The following ATXN7L1 variants were observed in gnomAD, a reference collection of about 807,000 sequenced individuals.
The protein encoded by ATXN7L1 is ataxin-7-like protein 1.
ATXN7L1 carries 15 observed loss-of-function variants against 70.8 expected under a neutral mutation model. The ratio of observed to expected loss-of-function variants is 0.21; its 90% CI spans 0.14 to 0.33. The LOEUF (loss-of-function observed/expected upper bound fraction) is 0.33, where lower values mean the gene tolerates loss of function less well. Among genes scored for constraint, ATXN7L1 ranks in the 10% least tolerant of loss-of-function variants. The pLI is 1.00. For synonymous variants in ATXN7L1, 440 were observed against 445.1 expected, an observed-to-expected ratio of 0.99 and a Z score of 0.14; for missense variants, 975 against 1,097.1, an observed-to-expected ratio of 0.89 and a Z score of 1.57.
chr7:105,659,901 G>A lies in ATXN7L1; in HGVS notation c.578+5165C>T, dbSNP rs78136838. On this transcript the variant is annotated intron_variant, in intron 4 of 11. Transcript: ENST00000419735. ...TTCTCTTTCTTTTTTTTTTTGAGAC[G>A]TGTAGATATTTCTTAGATACTTCAA... Among the ~76,000 whole-genome samples the A allele has an allele frequency of 6.0e-5, 9 of 150,630 alleles. No homozygotes were observed. The East Asian group carries it at 7.8e-4, about 13-fold the overall frequency.
chr7:105,733,266 T>A (rs1489799938), intron 3 of ATXN7L1, among the ~76,000 whole-genome samples: 1 of 152,248 alleles, frequency 6.6e-6, no homozygotes, highest in South Asian at 2.1e-4. Context: ...ATATGGTGAA[T>A]CATATGTGCT....
intron 2 of ATXN7L1, among the ~76,000 whole-genome samples, chr7:105,806,514 T>A (rs1277926923): frequency 6.6e-6 from 1 of 151,914 alleles, no homozygotes; most frequent in Non-Finnish European, 1.5e-5. Flanking sequence ...GCCTACTAAG[T>A]GTGAGAAACT....
intron 4 of ATXN7L1, among the ~76,000 whole-genome samples, chr7:105,661,137 T>C (rs1250984775): frequency 6.6e-6 from 1 of 152,212 alleles, no homozygotes; most frequent in African/African-American, 2.4e-5. Flanking sequence ...TAGTCAACTG[T>C]GCACCTGGTA....
At chr7:105,821,611 GGGT>G (rs1312153528) in intron 2 of ATXN7L1, among the ~76,000 whole-genome samples, 2 of 152,236 alleles carry the variant, frequency 1.3e-5, no homozygotes, top group African/African-American at 4.8e-5. Flanking sequence ...TGGAAGAGTA[GGGT>G]GGTTTCAGGT....
Position 105,702,976 on chromosome 7 carries a change from C to T in ATXN7L1, c.356-37688G>A, listed in dbSNP as rs192909886. On this transcript the variant is annotated intron_variant, in intron 3 of 11. Transcript: ENST00000419735. ...CTAAAAATACAAAAAATTAGCAAGG[C>T]GTGGCGGCGTGCGCCTGTAGTCCCA... Among the ~76,000 whole-genome samples, 47 of 152,272 alleles carry T rather than the reference C, an allele frequency of 3.1e-4. 2 individuals are homozygous for T. In the East Asian group the frequency reaches 5.4e-3, roughly 18 times the overall value.
intron 2 of ATXN7L1, among the ~76,000 whole-genome samples, chr7:105,868,596 A>G (rs1026703410): frequency 1.3e-5 from 2 of 152,152 alleles, no homozygotes; most frequent in Non-Finnish European, 2.9e-5. Context: ...CATTCACGTG[A>G]GAACAAGAAG....
intron 3 of ATXN7L1, among the ~76,000 whole-genome samples, chr7:105,775,690 C>T (rs1327151456): frequency 2.0e-5 from 3 of 152,214 alleles, no homozygotes; most frequent in Non-Finnish European, 4.4e-5. Flanking sequence ...CCAGTTTCTC[C>T]TCCAGAGTTG....
chr7:105,623,653 C>T (rs1395789645), intron 8 of ATXN7L1, among the ~76,000 whole-genome samples: 2 of 152,200 alleles, frequency 1.3e-5, no homozygotes, highest in African/African-American at 4.8e-5. Context: ...TGGCCCCTGA[C>T]ACGCTGCTAA....
intron 2 of ATXN7L1, among the ~76,000 whole-genome samples, chr7:105,807,981 T>C (rs896465349): frequency 6.6e-6 from 1 of 152,260 alleles, no homozygotes; most frequent in Non-Finnish European, 1.5e-5. Flanking sequence ...TAGCATCTCC[T>C]TCCAGCTCTG....
chr7:105,705,801 G>A (rs536432809), intron 3 of ATXN7L1, among the ~76,000 whole-genome samples: 1 of 152,278 alleles, frequency 6.6e-6, no homozygotes, highest in African/African-American at 2.4e-5. Context: ...ACACTTAGGA[G>A]ATTCCCTGCT....
At chr7:105,611,953 C>G (rs758429778) in intron 10 of ATXN7L1, among the ~76,000 whole-genome samples, 1 of 152,202 alleles carries the variant, frequency 6.6e-6, no homozygotes, top group Non-Finnish European at 1.5e-5. Context: ...GTTAGAGAAC[C>G]AATGCTGACC....
chr7:105,857,945 A>T (rs1815980663), intron 2 of ATXN7L1, among the ~76,000 whole-genome samples: 1 of 152,126 alleles, frequency 6.6e-6, no homozygotes, highest in Non-Finnish European at 1.5e-5. Context: ...AAAAAAAAAG[A>T]ATCATAGGCT....
chr7:105,831,919 G>T (rs1811679633), intron 2 of ATXN7L1, among the ~76,000 whole-genome samples: 1 of 152,142 alleles, frequency 6.6e-6, no homozygotes, highest in Non-Finnish European at 1.5e-5. Flanking sequence ...CTCTGCAAAA[G>T]ACTGAAGAAA....
rs150182467 is a variant in ATXN7L1 at position 105,614,354 on chromosome 7, AGAG to A, written c.1977_1979del (p.Ser661del). On this transcript the variant is annotated inframe_deletion, in exon 10 of 12. Transcript: ENST00000419735. This position sits in a 1 kb window ranked among gnomAD's most constrained non-coding sequence, Gnocchi z 4.3. The stretch of plus-strand genomic sequence containing the variant: ...GAGACGAGAGGGATGTCTGCAAGGA[AGAG>A]GAGGAGGAGGAGGAGGAGGAGGAAG... The A allele has an allele frequency of 1.8e-3, 2,533 of 1,372,282 alleles. 1 individual carries two copies. Among genetic ancestry groups the A allele is most frequent in the South Asian group, 4.3e-3 (305 of 70,316 alleles). The allele number at this position is 1,372,282 out of a possible 1,614,324, so 85.0% of individuals were successfully genotyped here. A position where few individuals can be genotyped will look rare whatever the true frequency, so the allele number is the denominator to read the frequency against.
chr7:105,857,349 T>C (rs1028012148), intron 2 of ATXN7L1, among the ~76,000 whole-genome samples: 3 of 152,188 alleles, frequency 2.0e-5, no homozygotes, highest in Non-Finnish European at 2.9e-5. Context: ...CTCTAAGGCA[T>C]TCTAATCACA....
At chr7:105,679,212 G>A (rs1805207891) in intron 3 of ATXN7L1, 5 of 913,932 alleles carry the variant, frequency 5.5e-6, no homozygotes, top group African/African-American at 1.8e-5. Context: ...CGAGATTAGG[G>A]AAAGGCAGAA....
At chr7:105,666,264 C>A (rs1300319277) in intron 3 of ATXN7L1, among the ~76,000 whole-genome samples, 1 of 152,190 alleles carries the variant, frequency 6.6e-6, no homozygotes, top group African/African-American at 2.4e-5. Flanking sequence ...AACCCTAAGT[C>A]CTCTCTGGCT....
chr7:105,646,768 T>C (rs1183236689), intron 4 of ATXN7L1, among the ~76,000 whole-genome samples: 17 of 47,308 alleles, frequency 3.6e-4, no homozygotes, highest in Non-Finnish European at 3.8e-5. Flanking sequence ...ACCATGTCTC[T>C]ACAAAAAAAA....
At chr7:105,797,318 C>T (rs1180195369) in intron 2 of ATXN7L1, among the ~76,000 whole-genome samples, 2 of 152,226 alleles carry the variant, frequency 1.3e-5, no homozygotes, top group Non-Finnish European at 2.9e-5. Context: ...GCTGCATGAA[C>T]AGGATGTCCG....
Sources: gnomAD v4.1 joint callset for allele counts (sites outside exome capture counted in the v4.1 genomes callset) on GRCh38, gnomAD v4.1.1 for gene constraint, Gnocchi (gnomAD v3.1) non-coding constraint, MANE v1.5 for transcripts, NCBI Gene and HGNC (gene_info 2026-07-23, HGNC 2026-07-21) for gene names.